Variants in VWA8 observed in about 807,000 individuals in gnomAD.
VWA8 encodes von Willebrand factor A domain containing 8, also known as von Willebrand factor A domain-containing protein 8.
A neutral mutation model predicts 241.5 loss-of-function variants in VWA8; 221 were observed. The observed-to-expected ratio is 0.91, with a 90% confidence interval of 0.82 to 1.02. The LOEUF (loss-of-function observed/expected upper bound fraction) is 1.02, where lower values mean the gene tolerates loss of function less well. VWA8 is among the 50% of genes least tolerant of loss of function. The probability of loss-of-function intolerance (pLI) is 0.00; values close to 1 mark genes in which losing one functional copy is unlikely to be tolerated. For missense variants in VWA8, 2,322 were observed against 2,328.7 expected, an observed-to-expected ratio of 1.00 and a Z score of 0.06; for synonymous variants, 852 against 827.1, an observed-to-expected ratio of 1.03 and a Z score of -0.52.
chr13:41,601,484 GTTAA>G (rs1476269758), intron 40 of VWA8, among the ~76,000 whole-genome samples: 3 of 152,180 alleles, frequency 2.0e-5, no homozygotes, highest in Non-Finnish European at 4.4e-5. Flanking sequence ...TCAGAGAAAG[GTTAA>G]TTTAGTTTAG....
intron 35 of VWA8, among the ~76,000 whole-genome samples, chr13:41,677,257 T>C (rs1057329300): frequency 3.3e-5 from 5 of 152,176 alleles, no homozygotes; most frequent in Non-Finnish European, 5.9e-5. Flanking sequence ...GTTATACTCA[T>C]GTGATGTCAT....
chr13:41,798,727 C>G (rs1051991103), intron 17 of VWA8, among the ~76,000 whole-genome samples: 1 of 152,106 alleles, frequency 6.6e-6, no homozygotes, highest in African/African-American at 2.4e-5. Context: ...AACAATTATT[C>G]TCCCTCAGTC....
At position 41,830,516 on chromosome 13, in the gene VWA8, G is replaced by A; in HGVS notation, c.1700+13C>T. The A allele has an allele frequency of 6.2e-7, 1 of 1,600,496 alleles. No homozygotes were observed. The highest frequency in any genetic ancestry group is 8.6e-7 in the Non-Finnish European group (1 of 1,168,822). On this transcript the variant is annotated intron_variant, in intron 14 of 44. Transcript: ENST00000379310. ...CAATAAATTAGCAATGGGAGTAATG[G>A]ACCCCAAATTACCTCTTCTGTAGCT...
chr13:41,894,877 A>T (rs1177253328), intron 4 of VWA8, among the ~76,000 whole-genome samples: 2 of 152,200 alleles, frequency 1.3e-5, no homozygotes, highest in Non-Finnish European at 2.9e-5. Flanking sequence ...CAATCAAATC[A>T]TAAGGAAACA....
intron 20 of VWA8, among the ~76,000 whole-genome samples, chr13:41,763,994 C>G (rs1248658299): frequency 6.6e-6 from 1 of 152,154 alleles, no homozygotes; most frequent in Non-Finnish European, 1.5e-5. Context: ...GCTCTCTCTC[C>G]CATGACCTCA....
intron 20 of VWA8, among the ~76,000 whole-genome samples, chr13:41,773,907 T>C (rs559437413): frequency 1.3e-5 from 2 of 152,332 alleles, no homozygotes; most frequent in East Asian, 1.9e-4. Context: ...CCTGTCATTA[T>C]AGAACTATAT....
intron 35 of VWA8, among the ~76,000 whole-genome samples, chr13:41,681,280 A>G (rs2045096489): frequency 6.6e-6 from 1 of 152,128 alleles, no homozygotes; most frequent in African/African-American, 2.4e-5. Flanking sequence ...TTCAGAGTTG[A>G]GCCCCATCTC....
Position 41,691,931 on chromosome 13 carries a change from TAA to T in VWA8, c.3681_3682del (p.Tyr1228Ter), listed in dbSNP as rs530854192. 2.7e-5 allele frequency: 43 copies of T among 1,607,040 alleles called. No homozygotes were observed. In the East Asian group the frequency reaches 4.0e-4, roughly 15 times the overall value. On this transcript the variant is annotated frameshift_variant, in exon 31 of 45. Transcript: ENST00000379310. LOFTEE classifies it high-confidence loss of function. ...GTGTGAAAATTCTTTACACATTTTA[TAA>T]GTTTCCTAAAGACAAACAAAACAAG...
chr13:41,787,388 T>C (rs745608062), intron 18 of VWA8, 49 bp downstream of exon 18: 1 of 1,408,454 alleles, frequency 7.1e-7, no homozygotes, highest in Admixed American at 1.7e-5. Context: ...CATCAAATGT[T>C]TGTTAATTAT....
intron 9 of VWA8, among the ~76,000 whole-genome samples, chr13:41,877,869 T>C (rs1236593065): frequency 1.3e-5 from 2 of 152,104 alleles, no homozygotes; most frequent in East Asian, 3.9e-4. Flanking sequence ...CTAGAAAGTA[T>C]TTCATGACTA....
chr13:41,810,061 C>T (rs1336680050), intron 17 of VWA8, among the ~76,000 whole-genome samples: 1 of 152,018 alleles, frequency 6.6e-6, no homozygotes, highest in African/African-American at 2.4e-5. Context: ...TCACCTCACC[C>T]CAATTAAAAT....
intron 17 of VWA8, among the ~76,000 whole-genome samples, chr13:41,790,255 C>T (rs1022434788): frequency 1.3e-5 from 2 of 152,088 alleles, no homozygotes; most frequent in Non-Finnish European, 1.5e-5. Flanking sequence ...TTCCAGACAA[C>T]AAAAAATTCA....
chr13:41,778,238 T>A (rs188877362), intron 19 of VWA8, among the ~76,000 whole-genome samples, 182 bp from the exon 20 acceptor site: 4 of 152,278 alleles, frequency 2.6e-5, no homozygotes, highest in African/African-American at 9.6e-5. Flanking sequence ...TTTAGGTCAC[T>A]GATACTGAAA....
intron 1 of VWA8, among the ~76,000 whole-genome samples, chr13:41,959,693 C>T (rs1878522425): frequency 6.8e-6 from 1 of 147,640 alleles, no homozygotes; most frequent in Admixed American, 7.1e-5. Flanking sequence ...GCTCCGCCTC[C>T]CGGGTTCACG....
chr13:41,627,119 C>T (rs2139671752), intron 37 of VWA8, among the ~76,000 whole-genome samples: 1 of 152,128 alleles, frequency 6.6e-6, no homozygotes, highest in East Asian at 1.9e-4. Flanking sequence ...AGAGACACTT[C>T]TCAAAAGAAG....
chr13:41,708,798 C>CT (rs919502095), intron 26 of VWA8, among the ~76,000 whole-genome samples: 109 of 152,204 alleles, frequency 7.2e-4, no homozygotes, highest in African/African-American at 2.6e-3. Context: ...CAGAATGACA[C>CT]TGTAGTTTAG....
intron 40 of VWA8, among the ~76,000 whole-genome samples, chr13:41,591,079 C>T (rs1202461837): frequency 1.3e-5 from 2 of 152,136 alleles, no homozygotes; most frequent in Middle Eastern, 3.2e-3. Flanking sequence ...TGTCACGGTG[C>T]TTCTCAAAAG....
chr13:41,883,242 A>G (rs920997599), intron 9 of VWA8, 145 bp downstream of exon 9: 8 of 604,720 alleles, frequency 1.3e-5, no homozygotes, highest in Non-Finnish European at 2.3e-5. Context: ...ATGCCTGGTA[A>G]AGAATGGAGG....
rs757985659 is a variant in VWA8 at position 41,719,635 on chromosome 13, C to T, written c.3072G>A (p.Gly1024=). 2.5e-6 allele frequency: 4 copies of T among 1,613,016 alleles called. No individual in the cohort carries two copies. The highest frequency in any genetic ancestry group is 1.3e-5 in the African/African-American group (1 of 74,850). The part of the protein sequence containing the change: ...EILINTLHKY[G]IPIGAKPTSV... ...TGGTAGGCTTTGCTCCGATAGGTAT[C>T]CCGTATTTGTGTAAAGTGTTAATCA... The change falls in exon 26 of 45, where the codon GGG becomes GGA. Residue 1024 remains glycine (G), a synonymous_variant. Transcript: ENST00000379310.
Sources: allele counts gnomAD v4.1 joint callset (sites outside exome capture counted in the v4.1 genomes callset), GRCh38; gene constraint gnomAD v4.1.1; transcripts MANE v1.5; gene names NCBI Gene and HGNC (gene_info 2026-07-23, HGNC 2026-07-21).